The following LRRC18 variants were observed in gnomAD, a reference collection of about 807,000 sequenced individuals.
LRRC18 encodes the protein leucine rich repeat containing 18, also known as leucine-rich repeat-containing protein 18.
LRRC18 carries 12 observed loss-of-function variants against 11.2 expected under a neutral mutation model. That is an observed-to-expected ratio of 1.07 (90% CI 0.69 to 1.74). LRRC18 has a LOEUF of 1.74. Ranked by LOEUF, LRRC18 falls within the 40% of genes most tolerant of loss-of-function variation. LRRC18 has a pLI of 0.00. For missense variants in LRRC18, 374 were observed against 330.5 expected (o/e 1.13, Z -1.02); for synonymous variants, 155 against 130.6 (o/e 1.19, Z -1.27).
chr10:48,935,737 A>G, the LRRC18 span, among the ~76,000 whole-genome samples: 1 of 152,208 alleles, frequency 6.6e-6, no homozygotes, highest in Admixed American at 6.5e-5. Flanking sequence ...CCCTGTAATC[A>G]TATTCTCTTA....
In LRRC18 at chr10:48,910,146, C is replaced by T; in HGVS notation, c.*91G>A. 16 of 1,215,076 alleles carry T rather than the reference C, an allele frequency of 1.3e-5. No individual in the cohort carries two copies. In the South Asian group the frequency reaches 1.5e-4, roughly 11 times the overall value. 75.3% of individuals were successfully genotyped at this position (1,215,076 alleles called of 1,614,324 possible). On this transcript the variant is annotated 3_prime_UTR_variant, in exon 2 of 2. Coordinates refer to ENST00000374160, the Ensembl canonical transcript of LRRC18. ...CCTGGTTTCCAGAACATCTCACTTG[C>T]CACTCTGTCTTCTCCTAACTGGGGG...
upstream of LRRC18, chr10:48,914,291 A>T: frequency 3.3e-6 from 3 of 900,086 alleles, no homozygotes; most frequent in Non-Finnish European, 4.9e-6. Flanking sequence ...GGGCTCCCCC[A>T]CGTCATGACG....
At chr10:48,919,213 A>T (rs552561166), upstream of LRRC18, among the ~76,000 whole-genome samples, 1 of 152,296 alleles carries the variant, frequency 6.6e-6, no homozygotes, top group South Asian at 2.1e-4. Context: ...TACACATATC[A>T]GGAGTTAAAG....
upstream of LRRC18, among the ~76,000 whole-genome samples, chr10:48,919,114 A>T (rs1838817998): frequency 6.6e-6 from 1 of 152,200 alleles, no homozygotes; most frequent in African/African-American, 2.4e-5. Flanking sequence ...TTGAAATTGT[A>T]CAAAAAAGTA....
At chr10:48,913,253 A>T in intron 1 of LRRC18, 139 bp downstream of exon 3, 1 of 780,622 alleles carries the variant, frequency 1.3e-6, no homozygotes, top group Non-Finnish European at 2.1e-6. Flanking sequence ...CCGAGAAAGT[A>T]AGGAAAGGAG....
At chr10:48,911,009 A>G (rs1913517) in intron 1 of LRRC18, 293,151 of 582,662 alleles carry the variant, frequency 0.5, 74,543 homozygotes, top group East Asian at 0.73. Context: ...ATGGAAAGTC[A>G]TCATGTAGCT....
the LRRC18 span, among the ~76,000 whole-genome samples, chr10:48,927,372 G>T: frequency 1.3e-5 from 2 of 152,172 alleles, no homozygotes; most frequent in African/African-American, 4.8e-5. Flanking sequence ...TATTGTGGGT[G>T]GTGGGGGGAG....
chr10:48,924,501 C>T, the LRRC18 span, among the ~76,000 whole-genome samples: 1 of 152,222 alleles, frequency 6.6e-6, no homozygotes, highest in African/African-American at 2.4e-5. Flanking sequence ...GGCGAATAGA[C>T]AGACGAATGG....
At chr10:48,918,540 T>C (rs1325784325), upstream of LRRC18, among the ~76,000 whole-genome samples, 1 of 152,196 alleles carries the variant, frequency 6.6e-6, no homozygotes, top group Non-Finnish European at 1.5e-5. Context: ...CCTAAATGTG[T>C]ATGTACCTAA....
chr10:48,928,370 G>GTGTGTC, the LRRC18 span, among the ~76,000 whole-genome samples: 1 of 142,938 alleles, frequency 7.0e-6, no homozygotes, highest in Non-Finnish European at 1.5e-5. Flanking sequence ...GTGTGTGTGT[G>GTGTGTC]TGTGTGTGTG....
intron 1 of LRRC18, chr10:48,910,881 A>G (rs56307938): frequency 0.028 from 27,567 of 984,086 alleles, 917 homozygotes; most frequent in African/African-American, 0.15. Flanking sequence ...CCTGGGCACC[A>G]GGTGGGCTCT....
chr10:48,912,726 G>A lies in LRRC18; in HGVS notation c.764+666C>T, dbSNP rs141268224. Among the ~76,000 whole-genome samples, 20 of 152,366 alleles carry A rather than the reference G, an allele frequency of 1.3e-4. No individual in the cohort carries two copies. The East Asian group carries it at 3.9e-3, about 29-fold the overall frequency. ...TCTGGAAAAACACTGAATGTAATAG[G>A]ATGGGAGTGCAACTTCATTCATTCA... On this transcript the variant is annotated intron_variant, in intron 1 of 1. Coordinates refer to ENST00000374160, the Ensembl canonical transcript of LRRC18.
rs1837879859 is a variant in LRRC18, at chr10:48,910,275, A to G, written c.765-17T>C. 6.2e-7 allele frequency: 1 copy of G among 1,612,820 alleles called. No individual in the cohort carries two copies. Among genetic ancestry groups the G allele is most frequent in the South Asian group, 1.1e-5 (1 of 91,056 alleles). On this transcript the variant is annotated splice_polypyrimidine_tract_variant and intron_variant, in intron 1 of 1. Coordinates refer to ENST00000374160, the Ensembl canonical transcript of LRRC18. ...AAGCGTATTCTGGGGATGGAGACAC[A>G]AGAAGGTGAGGCAATTGCTCCAGGC...
chr10:48,935,452 T>C, the LRRC18 span, among the ~76,000 whole-genome samples: 1 of 152,256 alleles, frequency 6.6e-6, no homozygotes, highest in East Asian at 1.9e-4. Flanking sequence ...TCAGAGCCCC[T>C]GTCTATGGCA....
the LRRC18 span, among the ~76,000 whole-genome samples, chr10:48,928,406 G>T: frequency 1.4e-5 from 2 of 147,812 alleles, no homozygotes; most frequent in Non-Finnish European, 3.0e-5. Flanking sequence ...GTTGGTGGGG[G>T]TTGGCACAGG....
At chr10:48,912,031 G>T (rs1418965052) in intron 1 of LRRC18, among the ~76,000 whole-genome samples, 1 of 152,180 alleles carries the variant, frequency 6.6e-6, no homozygotes, top group Non-Finnish European at 1.5e-5. Context: ...CAGCAAACTT[G>T]CCAACAACAT....
chr10:48,920,481 C>T, the LRRC18 span, among the ~76,000 whole-genome samples: 2 of 151,714 alleles, frequency 1.3e-5, no homozygotes, highest in African/African-American at 2.4e-5. Context: ...CTAACCTGCA[C>T]GTTGTGCACA....
the LRRC18 span, among the ~76,000 whole-genome samples, chr10:48,931,504 C>T: frequency 2.0e-5 from 3 of 152,102 alleles, no homozygotes; most frequent in East Asian, 1.9e-4. Context: ...GAGGGTGGCC[C>T]GTATTATGGT....
the LRRC18 span, among the ~76,000 whole-genome samples, chr10:48,925,644 G>C: frequency 6.6e-6 from 1 of 152,196 alleles, no homozygotes; most frequent in Admixed American, 6.5e-5. Context: ...ACAGATTAGA[G>C]GTGCAGAGAT....
Sources: allele counts gnomAD v4.1 joint callset (sites outside exome capture counted in the v4.1 genomes callset), GRCh38; gene constraint gnomAD v4.1.1; transcripts MANE v1.5; gene names NCBI Gene and HGNC (gene_info 2026-07-23, HGNC 2026-07-21).